Variants in PCDH15 observed in about 807,000 individuals in gnomAD.
PCDH15 encodes the protein protocadherin-15.
In PCDH15, 129 loss-of-function variants were observed where a neutral mutation model predicts 178.5. That is an observed-to-expected ratio of 0.72 (90% CI 0.63 to 0.84). The LOEUF is 0.84. Ranked by LOEUF, PCDH15 falls within the 40% of genes least tolerant of loss-of-function variation. The probability of loss-of-function intolerance (pLI) is 0.00; values close to 1 mark genes in which losing one functional copy is unlikely to be tolerated. For synonymous variants in PCDH15, 800 were observed against 732.0 expected (o/e 1.09, Z -1.50); for missense variants, 2,230 against 2,099.9 (o/e 1.06, Z -1.21).
intron 2 of PCDH15, among the ~76,000 whole-genome samples, chr10:54,949,797 G>A (rs1733778): frequency 0.19 from 28,909 of 151,840 alleles, 3,193 homozygotes; most frequent in African/African-American, 0.29. Context: ...TAGGACAGGG[G>A]CCAAATGCTG....
intron 14 of PCDH15, among the ~76,000 whole-genome samples, chr10:54,133,535 G>C (rs144641748): frequency 2.8e-4 from 43 of 152,138 alleles, no homozygotes; most frequent in African/African-American, 1.0e-3. Flanking sequence ...TAAAATAGTT[G>C]CAAACAAAAC....
intron 1 of PCDH15, among the ~76,000 whole-genome samples, chr10:55,252,091 A>G (rs185321221): frequency 6.6e-6 from 1 of 152,316 alleles, no homozygotes; most frequent in East Asian, 1.9e-4. Context: ...TTGTCGACCA[A>G]GCTTTAAAAA....
chr10:55,446,807 C>T (rs1839328610), intron 2 of PCDH15, among the ~76,000 whole-genome samples: 1 of 152,082 alleles, frequency 6.6e-6, no homozygotes, highest in Non-Finnish European at 1.5e-5. Flanking sequence ...ATATATGGTG[C>T]TGAGTCTCTC....
At chr10:54,397,549 G>C (rs1951403067) in intron 3 of PCDH15, among the ~76,000 whole-genome samples, 1 of 151,896 alleles carries the variant, frequency 6.6e-6, no homozygotes, top group Non-Finnish European at 1.5e-5. Flanking sequence ...ACCTTAATTA[G>C]TCAAGTTCTA....
At chr10:54,925,980 C>T (rs913581505) in intron 2 of PCDH15, among the ~76,000 whole-genome samples, 6 of 152,064 alleles carry the variant, frequency 3.9e-5, no homozygotes, top group Non-Finnish European at 8.8e-5. Context: ...ACTTCCAATA[C>T]TGTGTGTAAT....
chr10:55,162,594 A>G (rs1333105054), intron 2 of PCDH15, among the ~76,000 whole-genome samples: 2 of 152,152 alleles, frequency 1.3e-5, no homozygotes, highest in African/African-American at 2.4e-5. Flanking sequence ...TTTAGTTTAT[A>G]GTTTACATGA....
intron 2 of PCDH15, among the ~76,000 whole-genome samples, chr10:55,092,055 C>A (rs1842332582): frequency 6.6e-6 from 1 of 151,868 alleles, no homozygotes; most frequent in South Asian, 2.1e-4. Flanking sequence ...TAATATGGCT[C>A]ATAAGAGTAT....
chr10:54,266,495 T>C (rs7095007), intron 8 of PCDH15, among the ~76,000 whole-genome samples: 91,504 of 151,474 alleles, frequency 0.6, 29,260 homozygotes, highest in Middle Eastern at 0.73. Flanking sequence ...CAAAAATCCA[T>C]ACAAAGGATC....
intron 2 of PCDH15, among the ~76,000 whole-genome samples, chr10:55,621,022 T>A (rs1843580394): frequency 6.6e-6 from 1 of 151,860 alleles, no homozygotes; most frequent in Admixed American, 6.6e-5. Flanking sequence ...TGAATATATA[T>A]ATATTATGTT....
At chr10:55,013,901 A>C (rs115871243) in intron 2 of PCDH15, among the ~76,000 whole-genome samples, 1 of 152,128 alleles carries the variant, frequency 6.6e-6, no homozygotes. Context: ...CAAACTATTA[A>C]TTATATTCCT....
At chr10:54,106,458 T>G (rs1048195948) in intron 15 of PCDH15, among the ~76,000 whole-genome samples, 2 of 152,306 alleles carry the variant, frequency 1.3e-5, no homozygotes, top group East Asian at 3.9e-4. Context: ...GGTCATGGGA[T>G]GTCTTAACAC....
At chr10:54,520,450 A>C (rs1218688564) in intron 3 of PCDH15, among the ~76,000 whole-genome samples, 1 of 152,200 alleles carries the variant, frequency 6.6e-6, no homozygotes, top group African/African-American at 2.4e-5. Flanking sequence ...GCAGCCAAAA[A>C]ACACATGAAA....
At chr10:53,831,879 A>G (rs547465568) in intron 29 of PCDH15, among the ~76,000 whole-genome samples, 11 of 152,258 alleles carry the variant, frequency 7.2e-5, no homozygotes, top group Admixed American at 6.5e-4. Flanking sequence ...TAAATTATAT[A>G]CCATAGTTTA....
intron 2 of PCDH15, among the ~76,000 whole-genome samples, chr10:55,054,823 A>G (rs926040220): frequency 6.6e-6 from 1 of 152,182 alleles, no homozygotes; most frequent in African/African-American, 2.4e-5. Context: ...TCTTTTGAAA[A>G]GTGTCTGTTC....
At chr10:54,963,178 A>G (rs1011817605) in intron 2 of PCDH15, among the ~76,000 whole-genome samples, 1 of 152,222 alleles carries the variant, frequency 6.6e-6, no homozygotes, top group Non-Finnish European at 1.5e-5. Flanking sequence ...CCCATGGCCC[A>G]GTAAATCAAA....
At chr10:55,147,406 T>A (rs1195982206) in intron 2 of PCDH15, among the ~76,000 whole-genome samples, 1 of 151,536 alleles carries the variant, frequency 6.6e-6, no homozygotes, top group Admixed American at 6.6e-5. Context: ...AAATATACAA[T>A]GTTACATCTT....
rs79594285 is a variant in PCDH15 at position 54,286,658 on chromosome 10, C to T, written c.876+30613G>A. On this transcript the variant is annotated intron_variant, in intron 8 of 37. Coordinates refer to ENST00000644397, the MANE Select transcript of PCDH15 (RefSeq NM_001384140.1). ...TTTTTCTTTTTTGAAAGGAGTCTTG[C>T]TCTATTGCTCAGTCTGGAGTGCGGT... Among the ~76,000 whole-genome samples the T allele has an allele frequency of 7.7e-3, 1,172 of 152,072 alleles. 14 individuals are homozygous for T. Among genetic ancestry groups the T allele is most frequent in the African/African-American group, 0.026 (1,087 of 41,466 alleles).
intron 2 of PCDH15, among the ~76,000 whole-genome samples, chr10:55,148,816 C>T (rs901806188): frequency 6.7e-6 from 1 of 149,120 alleles, no homozygotes; most frequent in Non-Finnish European, 1.5e-5. Context: ...TTTTATACAG[C>T]AGTCTATTTC....
intron 1 of PCDH15, among the ~76,000 whole-genome samples, chr10:55,192,982 T>C (rs1470409545): frequency 7.9e-6 from 1 of 126,006 alleles, no homozygotes; most frequent in Admixed American, 8.3e-5. Context: ...CCTTTCAAAA[T>C]GGCTTTTTTT....
Sources: gnomAD v4.1 joint callset for allele counts (sites outside exome capture counted in the v4.1 genomes callset) on GRCh38, gnomAD v4.1.1 for gene constraint, MANE v1.5 for transcripts, NCBI Gene and HGNC (gene_info 2026-07-23, HGNC 2026-07-21) for gene names.